Variants in SNX29 observed in about 807,000 individuals in gnomAD.
SNX29 encodes the protein sorting nexin-29.
In SNX29, 78 loss-of-function variants were observed where a neutral mutation model predicts 102.1. That is an observed-to-expected ratio of 0.76 (90% CI 0.64 to 0.92). The LOEUF (loss-of-function observed/expected upper bound fraction) is 0.92, where lower values mean the gene tolerates loss of function less well. Among genes scored for constraint, SNX29 ranks in the 40% least tolerant of loss-of-function variants. The probability of loss-of-function intolerance (pLI) is 0.00; values close to 1 mark genes in which losing one functional copy is unlikely to be tolerated. For missense variants in SNX29, 1,280 were observed against 1,061.7 expected (o/e 1.21, Z -2.86); for synonymous variants, 580 against 414.5 (o/e 1.40, Z -4.85).
At chr16:12,393,949 G>C (rs2083628023) in intron 16 of SNX29, among the ~76,000 whole-genome samples, 1 of 152,208 alleles carries the variant, frequency 6.6e-6, no homozygotes, top group Non-Finnish European at 1.5e-5. Flanking sequence ...CATCATCAGA[G>C]GAAGCCCAGG....
chr16:12,247,960 C>T (rs968068243), intron 14 of SNX29, among the ~76,000 whole-genome samples: 19 of 152,164 alleles, frequency 1.2e-4, no homozygotes, highest in African/African-American at 4.6e-4. Flanking sequence ...GGAACAAGGG[C>T]AGGGCTGACC....
intron 11 of SNX29, among the ~76,000 whole-genome samples, chr16:12,125,603 C>CTTTTTTTTTTTTTTTTTT (rs1273937330): frequency 1.4e-5 from 1 of 71,496 alleles, no homozygotes; most frequent in African/African-American, 5.3e-5. Context: ...GCTGAGATCT[C>CTTTTTTTTTTTTTTTTTT]TCTTTTTTTT....
chr16:12,380,680 TCCACCA>T (rs1567502940), intron 16 of SNX29, among the ~76,000 whole-genome samples: 1 of 29,882 alleles, frequency 3.3e-5, no homozygotes. Flanking sequence ...CATCCATCCA[TCCACCA>T]TCCACCCATC....
Position 12,463,242 on chromosome 16 carries a change from C to A in SNX29, c.2038-14477C>A, listed in dbSNP as rs145848835. Among the ~76,000 whole-genome samples the A allele has an allele frequency of 5.3e-5, 8 of 152,368 alleles. No homozygotes were observed. In the East Asian group the frequency reaches 1.3e-3, roughly 26 times the overall value. On this transcript the variant is annotated intron_variant, in intron 18 of 20. Transcript: ENST00000566228. ...TGACAGCTGGGCCTGTGCCGTATAT[C>A]CACACAACACAACTGAGGTGAGGCT...
At chr16:11,989,686 T>G (rs903540494) in intron 1 of SNX29, among the ~76,000 whole-genome samples, 10 of 152,330 alleles carry the variant, frequency 6.6e-5, no homozygotes, top group African/African-American at 2.4e-4. Context: ...GAGTTCCTTC[T>G]GTGATGGGAG....
At chr16:12,267,486 T>C (rs1344469196) in intron 14 of SNX29, among the ~76,000 whole-genome samples, 2 of 152,208 alleles carry the variant, frequency 1.3e-5, no homozygotes, top group African/African-American at 4.8e-5. Context: ...GTCCAGGCTG[T>C]GATGTGCTCC....
chr16:12,208,820 G>A (rs374345003), intron 14 of SNX29, among the ~76,000 whole-genome samples: 4 of 147,554 alleles, frequency 2.7e-5, no homozygotes, highest in South Asian at 2.3e-4. Context: ...TAGCTTGGGC[G>A]GTAGAGTGAG....
At position 12,568,892 on chromosome 16, in the gene SNX29, C is replaced by T. The variant is rs1266621647; in HGVS notation, c.*263C>T. 2.2e-5 allele frequency: 11 copies of T among 511,532 alleles called. No individual in the cohort carries two copies. The highest frequency in any genetic ancestry group is 1.4e-5 in the Non-Finnish European group (4 of 294,882). 31.7% of individuals were successfully genotyped at this position (511,532 alleles called of 1,614,324 possible). A position where few individuals can be genotyped will look rare whatever the true frequency, so the allele number is the denominator to read the frequency against. On this transcript the variant is annotated 3_prime_UTR_variant, in exon 21 of 21. Transcript: ENST00000566228. ...TTCTGCTTCTGGGGTCTACCCTGGG[C>T]TGCAAGGGCTGTTCCTCCACCTTTC...
intron 14 of SNX29, among the ~76,000 whole-genome samples, chr16:12,210,325 C>CTTT (rs5815673): frequency 9.9e-5 from 14 of 141,766 alleles, no homozygotes; most frequent in South Asian, 9.2e-4. Context: ...GTTCCCTCCA[C>CTTT]TTTTTTTTTT....
chr16:12,419,559 T>G lies in SNX29; in HGVS notation c.2037+16030T>G, dbSNP rs541556525. 2.3e-3 allele frequency among the ~76,000 whole-genome samples: 256 copies of G among 109,068 alleles called. 2 individuals are homozygous for G. In the East Asian group the frequency reaches 0.066, roughly 28 times the overall value. The allele number at this position is 109,068 out of a possible 152,430, so 71.6% of individuals were successfully genotyped here. On this transcript the variant is annotated intron_variant, in intron 18 of 20. Coordinates refer to ENST00000566228, the MANE Select transcript of SNX29 (RefSeq NM_032167.5). ...TTTTAGGGGCTTAGTGTCATCAGACTCAGCCCCCCCCCCCATCTTTCTGTC... is the reference window on the plus strand; with the variant it reads ...TTTTAGGGGCTTAGTGTCATCAGACGCAGCCCCCCCCCCCATCTTTCTGTC...
At chr16:12,552,729 G>A (rs559354913) in intron 20 of SNX29, among the ~76,000 whole-genome samples, 19 of 152,200 alleles carry the variant, frequency 1.2e-4, no homozygotes, top group African/African-American at 1.9e-4. Flanking sequence ...GAAGAGACAT[G>A]GTATCTCCAG....
At chr16:12,562,441 A>G (rs959677406) in intron 20 of SNX29, among the ~76,000 whole-genome samples, 2 of 152,216 alleles carry the variant, frequency 1.3e-5, no homozygotes, top group Non-Finnish European at 2.9e-5. Flanking sequence ...ACAGCTTGCT[A>G]GTTTGACTTT....
At chr16:12,364,532 T>C (rs2082405245) in intron 16 of SNX29, among the ~76,000 whole-genome samples, 1 of 152,012 alleles carries the variant, frequency 6.6e-6, no homozygotes, top group Non-Finnish European at 1.5e-5. Flanking sequence ...TTGATTACAC[T>C]CTGGGAGAAG....
intron 9 of SNX29, among the ~76,000 whole-genome samples, chr16:12,062,473 G>A (rs1356815414): frequency 2.6e-5 from 4 of 152,198 alleles, no homozygotes; most frequent in Middle Eastern, 6.8e-3. Context: ...GGTTGAGCAC[G>A]TGCCCGTGTG....
chr16:12,541,189 T>C (rs1032876215), intron 20 of SNX29, among the ~76,000 whole-genome samples: 1 of 152,144 alleles, frequency 6.6e-6, no homozygotes, highest in Non-Finnish European at 1.5e-5. Context: ...GTATTGTCTA[T>C]CCTGAAGTAT....
intron 1 of SNX29, among the ~76,000 whole-genome samples, chr16:11,996,078 G>C (rs1180658779): frequency 4.0e-5 from 6 of 151,102 alleles, no homozygotes; most frequent in Non-Finnish European, 7.4e-5. Flanking sequence ...AAAAAAAAGA[G>C]TTAGGCCCCA....
chr16:12,419,592 G>A (rs1268595292), intron 18 of SNX29, among the ~76,000 whole-genome samples: 7 of 151,572 alleles, frequency 4.6e-5, no homozygotes, highest in Admixed American at 2.0e-4. Flanking sequence ...GTCGATTTGC[G>A]TTGCTCTGTG....
At chr16:12,330,489 T>C (rs756809528) in intron 15 of SNX29, among the ~76,000 whole-genome samples, 2 of 152,208 alleles carry the variant, frequency 1.3e-5, no homozygotes, top group Non-Finnish European at 2.9e-5. Flanking sequence ...ACTCACGCAA[T>C]GCATCTGTGA....
chr16:12,052,559 T>A (rs1396401336), intron 8 of SNX29: 1 of 309,090 alleles, frequency 3.2e-6, no homozygotes, highest in Admixed American at 4.6e-5. Context: ...CACTGTTTTC[T>A]CTTTCTATGG....
Sources: allele counts gnomAD v4.1 joint callset (sites outside exome capture counted in the v4.1 genomes callset), GRCh38; gene constraint gnomAD v4.1.1; transcripts MANE v1.5; gene names NCBI Gene and HGNC (gene_info 2026-07-23, HGNC 2026-07-21).